KNTC1: variants seen among roughly 807,000 people sequenced by gnomAD.
KNTC1 encodes the protein kinetochore-associated protein 1.
A neutral mutation model predicts 314.4 loss-of-function variants in KNTC1; 253 were observed. That is an observed-to-expected ratio of 0.80 (90% CI 0.73 to 0.89). The LOEUF is 0.89. KNTC1 is among the 40% of genes least tolerant of loss of function. The pLI is 0.00. For synonymous variants in KNTC1, 901 were observed against 901.4 expected (o/e 1.00, Z 0.01); for missense variants, 2,475 against 2,572.9 (o/e 0.96, Z 0.82).
At chr12:122,536,643 C>T (rs1466329985) in intron 3 of KNTC1, among the ~76,000 whole-genome samples, 1 of 151,868 alleles carries the variant, frequency 6.6e-6, no homozygotes, top group African/African-American at 2.4e-5. Flanking sequence ...CCTCAGCCTC[C>T]CAAGTAGCTG....
intron 30 of KNTC1, 32 bp downstream of exon 30, chr12:122,577,061 GCTT>G (rs1965078106): frequency 2.1e-6 from 3 of 1,454,048 alleles, no homozygotes; most frequent in Non-Finnish European, 1.8e-6. Context: ...ATTTCATATG[GCTT>G]CTTTGTTTCT....
At chr12:122,619,164 T>C (rs192919547) in intron 59 of KNTC1, among the ~76,000 whole-genome samples, 104 of 149,900 alleles carry the variant, frequency 6.9e-4, no homozygotes, top group African/African-American at 2.4e-3. Context: ...TTCACGCCAT[T>C]CTCCCACCTC....
In KNTC1 at chr12:122,575,848, T is replaced by C. The variant is rs2137941108; in HGVS notation, c.2535T>C (p.Leu845=). 1.9e-6 allele frequency: 3 copies of C among 1,613,586 alleles called. No individual in the cohort carries two copies. Among genetic ancestry groups the C allele is most frequent in the African/African-American group, 2.7e-5 (2 of 75,008 alleles). ...ESYKLMEMKK[L]LRGYGIREVN... is the part of the protein sequence containing the mutation. ...ACAAACTAATGGAGATGAAAAAACT[T>C]TTACGAGGCTATGGAATAAGAGAGG... The change falls in exon 29 of 64, where the codon CTT becomes CTC. Residue 845 remains leucine, a synonymous_variant. Transcript: ENST00000333479.
At chr12:122,601,733 A>G in intron 45 of KNTC1, 108 bp downstream of exon 45, 1 of 1,087,556 alleles carries the variant, frequency 9.2e-7, no homozygotes. Context: ...AATTCCCTTT[A>G]AACTCTGTGG....
chr12:122,533,236 G>A (rs1961519976), intron 2 of KNTC1, among the ~76,000 whole-genome samples: 1 of 150,366 alleles, frequency 6.7e-6, no homozygotes, highest in African/African-American at 2.5e-5. Flanking sequence ...GTGTGATCTT[G>A]GCTCACTGCA....
In KNTC1 at chr12:122,543,586, CT is replaced by C; in HGVS notation, c.524-8del. 1.9e-6 allele frequency: 3 copies of C among 1,542,516 alleles called. No individual in the cohort carries two copies. The highest frequency in any genetic ancestry group is 2.0e-5 in the Admixed American group (1 of 50,918). On this transcript the variant is annotated splice_polypyrimidine_tract_variant and intron_variant, in intron 6 of 63. Coordinates refer to ENST00000333479, the MANE Select transcript of KNTC1 (RefSeq NM_014708.6). ...TAATACTATACATTTAGCCTGCTTTCTTTTTTAATGCAGCAATTGAGAATGT... is the reference window on the plus strand; with the variant it reads ...TAATACTATACATTTAGCCTGCTTTCTTTTTAATGCAGCAATTGAGAATGT...
chr12:122,534,370 G>C (rs1961617313), intron 2 of KNTC1, among the ~76,000 whole-genome samples: 1 of 152,078 alleles, frequency 6.6e-6, no homozygotes, highest in Non-Finnish European at 1.5e-5. Context: ...AATTCATTAT[G>C]TTAATACCTG....
rs1962594454 is a variant in KNTC1 at position 122,544,237 on chromosome 12, G to C, written c.637G>C (p.Asp213His). Reference protein sequence around the residue: ...TLGCLSLVAGDLASEVPVIIG... With the variant: ...TLGCLSLVAGHLASEVPVIIG... The stretch of plus-strand genomic sequence containing the variant: ...TGGTTGTCTCAGTCTTGTGGCTGGA[G>C]ATTTAGCAAGTGAAGTTCCTGTGAT... The change falls in exon 8 of 64, where the codon GAT becomes CAT. Residue 213 changes from aspartate to histidine, a missense_variant. Transcript: ENST00000333479. 1.3e-6 allele frequency: 2 copies of C among 1,581,608 alleles called. No homozygotes were observed. The highest frequency in any genetic ancestry group is 4.6e-5 in the East Asian group (2 of 43,676).
At chr12:122,616,111 A>C (rs1424562910) in intron 57 of KNTC1, among the ~76,000 whole-genome samples, 1 of 152,148 alleles carries the variant, frequency 6.6e-6, no homozygotes, top group Admixed American at 6.6e-5. Context: ...AATATATATT[A>C]CGCAGAAATA....
At chr12:122,584,683 A>T (rs980134220) in intron 35 of KNTC1, among the ~76,000 whole-genome samples, 2 of 152,228 alleles carry the variant, frequency 1.3e-5, no homozygotes, top group African/African-American at 4.8e-5. Flanking sequence ...TTGTAGGATT[A>T]TGAAATTCCT....
At chr12:122,543,226 T>G (rs1409446429) in intron 6 of KNTC1, among the ~76,000 whole-genome samples, 1 of 152,232 alleles carries the variant, frequency 6.6e-6, no homozygotes, top group Non-Finnish European at 1.5e-5. Flanking sequence ...GTGATATTTT[T>G]AAAATACTGA....
At position 122,603,039 on chromosome 12, in the gene KNTC1, A is replaced by G; in HGVS notation, c.4897A>G (p.Thr1633Ala). The G allele has an allele frequency of 6.2e-7, 1 of 1,613,434 alleles. No homozygotes were observed. Among genetic ancestry groups the G allele is most frequent in the Non-Finnish European group, 8.5e-7 (1 of 1,179,724 alleles). ...CTTTTCTTTGAAGTTCTCTCTGGAC[A>G]CTCTGTACGTGTCTACAGCAAAACA... ...ISKLMKFSLDTLYVSTAKHVF... is the reference protein window; with the variant it reads ...ISKLMKFSLDALYVSTAKHVF... The change falls in exon 48 of 64, where the codon ACT becomes GCT. Residue 1633 changes from threonine (T) to alanine (A), a missense_variant. Coordinates refer to ENST00000333479, the MANE Select transcript of KNTC1 (RefSeq NM_014708.6).
In KNTC1 at chr12:122,579,969, T is replaced by C. The variant is rs1565980045; in HGVS notation, c.2906T>C (p.Ile969Thr). 6.2e-7 allele frequency: 1 copy of C among 1,603,656 alleles called. No homozygotes were observed. Residue 969 changes from isoleucine (I) to threonine (T), a missense_variant, in exon 32 of 64, where the codon ATT becomes ACT. Transcript: ENST00000333479. ...SVDILKILCDIQKDNLQKKDE... is the reference protein window; with the variant it reads ...SVDILKILCDTQKDNLQKKDE... ...GACATTCTTAAGATACTATGTGACA[T>C]TCAGAAAGGTAGCTTTTACTTCTGT...
intron 24 of KNTC1, among the ~76,000 whole-genome samples, chr12:122,572,310 G>A (rs112885433): frequency 8.6e-5 from 13 of 152,046 alleles, no homozygotes; most frequent in Admixed American, 4.6e-4. Context: ...CAGGAGAATC[G>A]CTTGAAACGG....
intron 18 of KNTC1, among the ~76,000 whole-genome samples, chr12:122,561,692 A>C (rs1322717307): frequency 1.3e-5 from 2 of 151,906 alleles, no homozygotes; most frequent in Non-Finnish European, 2.9e-5. Context: ...GAGCTCAAGC[A>C]GTCCGCCCGC....
chr12:122,585,550 G>A (rs1385116369), intron 36 of KNTC1, 86 bp from the exon 37 acceptor site: 2 of 1,426,868 alleles, frequency 1.4e-6, no homozygotes, highest in Non-Finnish European at 1.9e-6. Flanking sequence ...AACTTAAAAT[G>A]AAATTTCTAT....
intron 51 of KNTC1, among the ~76,000 whole-genome samples, chr12:122,608,065 G>A (rs1196359213): frequency 1.3e-5 from 2 of 152,096 alleles, no homozygotes. Flanking sequence ...AGATATTCTT[G>A]GGGGAACAAA....
chr12:122,538,680 T>C (rs752160583), intron 4 of KNTC1, among the ~76,000 whole-genome samples: 8 of 152,112 alleles, frequency 5.3e-5, no homozygotes, highest in Non-Finnish European at 2.9e-5. Context: ...AGGGAATGTT[T>C]AGTAGGCTTG....
Position 122,586,378 on chromosome 12 carries a change from G to A in KNTC1, c.3674-323G>A, listed in dbSNP as rs145441180. ...ATTACAGGCGTGAGCCACCGCGCCC[G>A]GCCGATGTTCTATTTCTTGATCTGG... On this transcript the variant is annotated intron_variant, in intron 37 of 63. Coordinates refer to ENST00000333479, the MANE Select transcript of KNTC1 (RefSeq NM_014708.6). 6.2e-3 allele frequency among the ~76,000 whole-genome samples: 949 copies of A among 152,176 alleles called. 7 individuals are homozygous for A. Among genetic ancestry groups the A allele is most frequent in the South Asian group, 0.033 (157 of 4,820 alleles).
Sources: gnomAD v4.1 joint callset for allele counts (sites outside exome capture counted in the v4.1 genomes callset) on GRCh38, gnomAD v4.1.1 for gene constraint, MANE v1.5 for transcripts, NCBI Gene and HGNC (gene_info 2026-07-23, HGNC 2026-07-21) for gene names.